ZNF385D: variants seen among roughly 807,000 people sequenced by gnomAD.
ZNF385D encodes the protein zinc finger protein 385D.
Under a neutral mutation model 35.8 loss-of-function variants are expected in ZNF385D, and 15 were observed. That is an observed-to-expected ratio of 0.42 (90% CI 0.28 to 0.64). The LOEUF is 0.64. Ranked by LOEUF, ZNF385D falls within the 30% of genes least tolerant of loss-of-function variation. ZNF385D has a pLI of 0.23. For synonymous variants in ZNF385D, 212 were observed against 186.8 expected (o/e 1.13, Z -1.10); for missense variants, 474 against 494.6 (o/e 0.96, Z 0.39).
chr3:21,903,311 A>G (rs1360807873), intron 3 of ZNF385D, among the ~76,000 whole-genome samples: 1 of 152,112 alleles, frequency 6.6e-6, no homozygotes, highest in Non-Finnish European at 1.5e-5. Context: ...GTATGAGGAG[A>G]CTTACTTCAG....
chr3:22,281,614 T>C (rs1282010819), intron 2 of ZNF385D, among the ~76,000 whole-genome samples: 1 of 152,136 alleles, frequency 6.6e-6, no homozygotes, highest in South Asian at 2.1e-4. Flanking sequence ...GATTATCTTT[T>C]TGATAGGCTG....
chr3:22,320,328 T>C (rs971847865), intron 2 of ZNF385D, among the ~76,000 whole-genome samples: 1 of 152,078 alleles, frequency 6.6e-6, no homozygotes, highest in Non-Finnish European at 1.5e-5. Flanking sequence ...AAATAACTGG[T>C]CCCAAATTCT....
At chr3:22,327,229 G>A (rs1273626869) in intron 2 of ZNF385D, among the ~76,000 whole-genome samples, 1 of 152,040 alleles carries the variant, frequency 6.6e-6, no homozygotes, top group African/African-American at 2.4e-5. Flanking sequence ...CTGGTAGCCA[G>A]GAACATTAAA....
chr3:21,471,333 A>G (rs185457448), intron 4 of ZNF385D, among the ~76,000 whole-genome samples: 30 of 121,784 alleles, frequency 2.5e-4, no homozygotes, highest in Non-Finnish European at 4.5e-4. Context: ...ACACACACAC[A>G]CACCTTGGTG....
intron 3 of ZNF385D, among the ~76,000 whole-genome samples, chr3:21,977,125 G>C (rs183531069): frequency 6.6e-6 from 1 of 152,296 alleles, no homozygotes; most frequent in African/African-American, 2.4e-5. Context: ...TCAGTATTAG[G>C]TGGAACTAAT....
chr3:22,295,740 C>T (rs1293814703), intron 2 of ZNF385D, among the ~76,000 whole-genome samples: 1 of 152,048 alleles, frequency 6.6e-6, no homozygotes, highest in Non-Finnish European at 1.5e-5. Context: ...ATGTTTTAGG[C>T]ACAAATTTAA....
chr3:22,328,545 A>T (rs1694779658), intron 2 of ZNF385D, among the ~76,000 whole-genome samples: 1 of 152,014 alleles, frequency 6.6e-6, no homozygotes, highest in Non-Finnish European at 1.5e-5. Context: ...CTGGCAGATC[A>T]TAAGATCAAG....
intron 3 of ZNF385D, among the ~76,000 whole-genome samples, chr3:21,768,937 T>A (rs371993947): frequency 6.6e-6 from 1 of 152,058 alleles, no homozygotes; most frequent in Non-Finnish European, 1.5e-5. Flanking sequence ...ATTTAGAAAG[T>A]TGACTGTGCA....
rs922926472 is a variant in ZNF385D, at chr3:21,418,102, C to G, written c.*3112G>C. The G allele has an allele frequency of 6.6e-6, 1 of 152,102 alleles. No homozygotes were observed. The highest frequency in any genetic ancestry group is 2.4e-5 in the African/African-American group (1 of 41,430). 9.4% of individuals were successfully genotyped at this position (152,102 alleles called of 1,614,324 possible). The stretch of plus-strand genomic sequence containing the variant: ...TTGTCTGGACGATCTGATTGAGGTG[C>G]AACAATGCTTTTTCCAGAGGCATTT... On this transcript the variant is annotated 3_prime_UTR_variant, in exon 8 of 8. Transcript: ENST00000281523.
chr3:21,725,799 G>C (rs923093567), intron 1 of ZNF385D, among the ~76,000 whole-genome samples: 1 of 152,062 alleles, frequency 6.6e-6, no homozygotes, highest in Admixed American at 6.6e-5. Flanking sequence ...CCAAGCAATA[G>C]AAAAAGACAG....
chr3:22,059,253 AAG>A (rs1699570136), intron 3 of ZNF385D, among the ~76,000 whole-genome samples: 1 of 152,154 alleles, frequency 6.6e-6, no homozygotes, highest in South Asian at 2.1e-4. Flanking sequence ...TAAGGGAGGA[AAG>A]AGAGAAAGGG....
At chr3:21,944,403 G>A (rs555352742) in intron 3 of ZNF385D, among the ~76,000 whole-genome samples, 2 of 152,144 alleles carry the variant, frequency 1.3e-5, no homozygotes, top group South Asian at 2.1e-4. Context: ...CTTTCATAGG[G>A]GATGATTCAA....
At chr3:21,943,353 A>G (rs929688765) in intron 3 of ZNF385D, among the ~76,000 whole-genome samples, 62 of 151,724 alleles carry the variant, frequency 4.1e-4, no homozygotes, top group African/African-American at 1.4e-3. Context: ...GTGAGAAAGA[A>G]TAAGTAATTA....
At chr3:21,600,097 A>C (rs9873000) in intron 2 of ZNF385D, among the ~76,000 whole-genome samples, 1 of 151,978 alleles carries the variant, frequency 6.6e-6, no homozygotes, top group Non-Finnish European at 1.5e-5. Flanking sequence ...TGCCATGACA[A>C]TGTCAGGAAT....
At chr3:21,788,248 G>A (rs1216367644) in intron 3 of ZNF385D, among the ~76,000 whole-genome samples, 3 of 152,250 alleles carry the variant, frequency 2.0e-5, no homozygotes, top group Non-Finnish European at 4.4e-5. Flanking sequence ...GGAGGCCGAG[G>A]TGAGTGAATC....
intron 2 of ZNF385D, among the ~76,000 whole-genome samples, chr3:22,348,429 C>T (rs1261731467): frequency 6.9e-6 from 1 of 145,698 alleles, no homozygotes; most frequent in Admixed American, 6.9e-5. Context: ...AGGCAGATTA[C>T]CTGAGGTCAG....
intron 2 of ZNF385D, among the ~76,000 whole-genome samples, chr3:21,651,946 T>C (rs184852788): frequency 2.6e-4 from 40 of 152,302 alleles, no homozygotes; most frequent in African/African-American, 9.6e-4. Flanking sequence ...TGTTAATTTG[T>C]CCAAGACTAA....
chr3:21,480,171 C>T (rs563334764), intron 4 of ZNF385D, among the ~76,000 whole-genome samples: 19 of 149,288 alleles, frequency 1.3e-4, no homozygotes, highest in Middle Eastern at 3.5e-3. Context: ...GGCACGACCT[C>T]GGCTCACTGC....
chr3:21,718,275 G>T (rs986398730), intron 1 of ZNF385D, among the ~76,000 whole-genome samples: 1 of 152,166 alleles, frequency 6.6e-6, no homozygotes, highest in Non-Finnish European at 1.5e-5. Context: ...TTCCTACTCA[G>T]ACTCCACTCT....
Sources: allele counts gnomAD v4.1 joint callset (sites outside exome capture counted in the v4.1 genomes callset), GRCh38; gene constraint gnomAD v4.1.1; transcripts MANE v1.5; gene names NCBI Gene and HGNC (gene_info 2026-07-23, HGNC 2026-07-21).